The following PDE4D variants were observed in gnomAD, a reference collection of about 807,000 sequenced individuals.
PDE4D encodes the protein phosphodiesterase 4D.
Under a neutral mutation model 87.4 loss-of-function variants are expected in PDE4D, and 24 were observed. The ratio of observed to expected loss-of-function variants is 0.27; its 90% confidence interval spans 0.20 to 0.39. The LOEUF (loss-of-function observed/expected upper bound fraction) is 0.39. Ranked by LOEUF, PDE4D falls within the 10% of genes least tolerant of loss-of-function variation. The pLI is 1.00. For missense variants in PDE4D, 714 were observed against 1,041.0 expected, an observed-to-expected ratio of 0.69 and a Z score of 4.32; for synonymous variants, 384 against 383.2, an observed-to-expected ratio of 1.00 and a Z score of -0.02.
intron 11 of PDE4D, among the ~76,000 whole-genome samples, chr5:58,981,079 T>C (rs1337331072): frequency 6.6e-6 from 1 of 152,198 alleles, no homozygotes; most frequent in Non-Finnish European, 1.5e-5. Flanking sequence ...AAGGGCAATC[T>C]TCTTTAATCA....
At chr5:59,545,840 T>C (rs1561173607) in intron 1 of PDE4D, among the ~76,000 whole-genome samples, 1 of 152,170 alleles carries the variant, frequency 6.6e-6, no homozygotes, top group Non-Finnish European at 1.5e-5. Context: ...AAAAAAATTG[T>C]TGACGAAGTA....
At chr5:59,727,185 A>G (rs1756723488) in intron 1 of PDE4D, among the ~76,000 whole-genome samples, 1 of 152,150 alleles carries the variant, frequency 6.6e-6, no homozygotes, top group African/African-American at 2.4e-5. Flanking sequence ...ATTTTTACTT[A>G]GAGAGACTAA....
chr5:59,501,081 C>G (rs1391727289), intron 1 of PDE4D, among the ~76,000 whole-genome samples: 1 of 152,082 alleles, frequency 6.6e-6, no homozygotes, highest in Non-Finnish European at 1.5e-5. Context: ...AAATCCAAAC[C>G]CTCTCTCCAT....
At chr5:60,446,448 GT>G (rs1219422423) in intron 1 of PDE4D, among the ~76,000 whole-genome samples, 1 of 152,050 alleles carries the variant, frequency 6.6e-6, no homozygotes, top group African/African-American at 2.4e-5. Context: ...ATGGATAGAT[GT>G]TCACACTAGT....
At chr5:60,273,713 G>C (rs1751056417) in intron 1 of PDE4D, among the ~76,000 whole-genome samples, 1 of 152,108 alleles carries the variant, frequency 6.6e-6, no homozygotes, top group Non-Finnish European at 1.5e-5. Flanking sequence ...CATTTGGGGT[G>C]GAAAAGAGGG....
chr5:59,437,052 G>C (rs56349317), intron 1 of PDE4D, among the ~76,000 whole-genome samples: 16,369 of 152,170 alleles, frequency 0.11, 942 homozygotes, highest in Middle Eastern at 0.13. Context: ...TCCAACAAAA[G>C]CCCTTAGCTA....
intron 1 of PDE4D, among the ~76,000 whole-genome samples, chr5:59,253,721 G>A (rs1450412774): frequency 6.6e-6 from 1 of 151,998 alleles, no homozygotes; most frequent in Non-Finnish European, 1.5e-5. Context: ...GCAAAGTCAA[G>A]TTATTTTTCA....
chr5:59,574,671 T>G (rs183508006), intron 1 of PDE4D, among the ~76,000 whole-genome samples: 1 of 152,252 alleles, frequency 6.6e-6, no homozygotes, highest in East Asian at 1.9e-4. Context: ...TTCCTCTTCC[T>G]ACCCACTCTT....
intron 1 of PDE4D, among the ~76,000 whole-genome samples, chr5:60,212,951 C>G (rs1046937143): frequency 7.9e-5 from 12 of 152,194 alleles, no homozygotes; most frequent in African/African-American, 2.7e-4. Flanking sequence ...GCGTTCTTCC[C>G]TTGACCCCGT....
intron 1 of PDE4D, among the ~76,000 whole-genome samples, chr5:60,327,366 G>T (rs918846918): frequency 3.9e-5 from 6 of 152,182 alleles, no homozygotes; most frequent in African/African-American, 1.2e-4. Context: ...CCTTGTCAAA[G>T]AATGTTTCTT....
chr5:60,144,669 T>C (rs1544788), intron 2 of PDE4D, among the ~76,000 whole-genome samples: 104,692 of 152,098 alleles, frequency 0.69, 36,524 homozygotes, highest in African/African-American at 0.72. Flanking sequence ...CTGTTTTACT[T>C]ATCTGACCAT....
At chr5:60,499,096 A>G (rs1271050011) in intron 1 of PDE4D, among the ~76,000 whole-genome samples, 1 of 152,216 alleles carries the variant, frequency 6.6e-6, no homozygotes, top group Non-Finnish European at 1.5e-5. Flanking sequence ...TCCATATTTT[A>G]TCAATTTGAA....
intron 5 of PDE4D, among the ~76,000 whole-genome samples, chr5:59,150,818 A>G (rs1430403130): frequency 1.3e-5 from 2 of 152,164 alleles, no homozygotes; most frequent in Non-Finnish European, 2.9e-5. Flanking sequence ...AATTGGTGTC[A>G]AGAGAAAAAA....
At chr5:60,340,458 C>T (rs35914313) in intron 1 of PDE4D, among the ~76,000 whole-genome samples, 33,188 of 151,848 alleles carry the variant, frequency 0.22, 3,917 homozygotes, top group South Asian at 0.39. Context: ...AATAGTTTCT[C>T]CTTTCATCCA....
intron 1 of PDE4D, among the ~76,000 whole-genome samples, chr5:59,858,282 T>C (rs1581452795): frequency 6.6e-6 from 1 of 152,074 alleles, no homozygotes; most frequent in East Asian, 1.9e-4. Context: ...ACTATGGTGA[T>C]TATTTGGAGC....
Position 60,429,833 on chromosome 5 carries a change from AGTTTT to A in PDE4D, c.-90+58104_-90+58108del, listed in dbSNP as rs373922157. 3.4e-3 allele frequency: 1,182 copies of A among 346,468 alleles called. 13 individuals are homozygous for A. Among genetic ancestry groups the A allele is most frequent in the African/African-American group, 0.024 (1,087 of 44,956 alleles). The allele number at this position is 346,468 out of a possible 1,614,324, so 21.5% of individuals were successfully genotyped here. On this transcript the variant is annotated intron_variant, in intron 1 of 16. Transcript: ENST00000502484. ...AAAGCCTGCTCAATGGTGGTGGATT[AGTTTT>A]TTTTTTTTTGTTTTTTTTTTTAAAC...
chr5:59,825,046 C>G (rs1027665242), intron 1 of PDE4D, among the ~76,000 whole-genome samples: 10 of 152,114 alleles, frequency 6.6e-5, no homozygotes, highest in African/African-American at 2.4e-4. Flanking sequence ...AATTAATTTA[C>G]CTCATTAGTA....
At chr5:59,317,557 G>C (rs1360783614) in intron 1 of PDE4D, among the ~76,000 whole-genome samples, 1 of 152,060 alleles carries the variant, frequency 6.6e-6, no homozygotes, top group Non-Finnish European at 1.5e-5. Flanking sequence ...CACAACCCCT[G>C]CAGGCATACA....
intron 1 of PDE4D, among the ~76,000 whole-genome samples, chr5:59,356,026 A>G (rs1021826746): frequency 5.3e-5 from 8 of 152,222 alleles, no homozygotes; most frequent in East Asian, 3.8e-4. Context: ...TCAGTGCTAT[A>G]GATTGTAATC....
Sources: allele counts gnomAD v4.1 joint callset (sites outside exome capture counted in the v4.1 genomes callset), GRCh38; gene constraint gnomAD v4.1.1; transcripts MANE v1.5; gene names NCBI Gene and HGNC (gene_info 2026-07-23, HGNC 2026-07-21).